The following DCHS2 variants were observed in gnomAD, a reference collection of about 807,000 sequenced individuals.
The protein encoded by DCHS2 is dachsous cadherin-related 2, also known as protocadherin-23.
A neutral mutation model predicts 182.4 loss-of-function variants in DCHS2; 142 were observed. The ratio of observed to expected loss-of-function variants is 0.78; its 90% CI spans 0.68 to 0.89. The LOEUF (loss-of-function observed/expected upper bound fraction) is 0.89, where lower values mean the gene tolerates loss of function less well. Ranked by LOEUF, DCHS2 falls within the 40% of genes least tolerant of loss-of-function variation. The pLI, the probability that DCHS2 is intolerant of heterozygous loss-of-function variation, is 0.00. For synonymous variants in DCHS2, 1,740 were observed against 1,663.3 expected (o/e 1.05, Z -1.12); for missense variants, 4,319 against 4,198.6 (o/e 1.03, Z -0.79).
intron 2 of DCHS2, chr4:154,374,178 T>A: frequency 2.0e-6 from 1 of 501,544 alleles, no homozygotes; most frequent in African/African-American, 2.0e-5. Context: ...CAGGGGAGCT[T>A]GCTTCTCCTG....
intron 1 of DCHS2, among the ~76,000 whole-genome samples, chr4:154,480,687 A>G (rs1299087061): frequency 6.6e-6 from 1 of 152,260 alleles, no homozygotes; most frequent in Non-Finnish European, 1.5e-5. Flanking sequence ...TATATAAAGC[A>G]TGCATAAACA....
At chr4:154,306,359 C>T (rs777455852) in intron 10 of DCHS2, among the ~76,000 whole-genome samples, 5 of 151,918 alleles carry the variant, frequency 3.3e-5, no homozygotes, top group South Asian at 2.1e-4. Flanking sequence ...TTAGGCATTA[C>T]GTATATTATT....
At chr4:154,473,014 G>A (rs1178541500) in intron 1 of DCHS2, among the ~76,000 whole-genome samples, 1 of 152,184 alleles carries the variant, frequency 6.6e-6, no homozygotes, top group Non-Finnish European at 1.5e-5. Context: ...TCACCAAGAT[G>A]GGAGTGTCCA....
intron 2 of DCHS2, among the ~76,000 whole-genome samples, chr4:154,376,844 T>C (rs1730923133): frequency 6.6e-6 from 1 of 152,132 alleles, no homozygotes; most frequent in Non-Finnish European, 1.5e-5. Flanking sequence ...AAAAAAGCCA[T>C]AGGAGAACAG....
intron 16 of DCHS2, 34 bp downstream of exon 16, chr4:154,255,485 A>G: frequency 1.3e-6 from 2 of 1,591,922 alleles, no homozygotes; most frequent in Non-Finnish European, 1.7e-6. Flanking sequence ...CAGGCAGAAT[A>G]AATGGAGCCA....
Position 154,491,543 on chromosome 4 carries a change from C to G in DCHS2, c.-188G>C. On this transcript the variant is annotated 5_prime_UTR_variant, in exon 1 of 20. Coordinates refer to ENST00000357232, the MANE Select transcript of DCHS2 (RefSeq NM_001358235.2). ...GTGAAAGCGTCCTCTGCCTGCAGCT[C>G]ACGCAGACAGGGAAGTAAGCTCTAG... 7.2e-7 allele frequency: 1 copy of G among 1,387,820 alleles called. No homozygotes were observed. The highest frequency in any genetic ancestry group is 9.3e-7 in the Non-Finnish European group (1 of 1,077,594). 86.0% of individuals were successfully genotyped at this position (1,387,820 alleles called of 1,614,324 possible).
At chr4:154,281,431 A>G (rs949577747) in intron 13 of DCHS2, among the ~76,000 whole-genome samples, 1 of 152,168 alleles carries the variant, frequency 6.6e-6, no homozygotes, top group African/African-American at 2.4e-5. Context: ...ACCATTTACA[A>G]CATCATCAAA....
At position 154,328,191 on chromosome 4, in the gene DCHS2, A is replaced by G; in HGVS notation, c.3920T>C (p.Val1307Ala). 6.3e-7 allele frequency: 1 copy of G among 1,597,086 alleles called. No individual in the cohort carries two copies. Among genetic ancestry groups the G allele is most frequent in the South Asian group, 1.1e-5 (1 of 87,654 alleles). Residue 1307 changes from valine to alanine, a missense_variant and splice_region_variant, in exon 7 of 20, where the codon GTT (valine) becomes GCT (alanine). Physicochemically the swap from Val to Ala is moderately conservative, Grantham distance 64. Coordinates refer to ENST00000357232, the MANE Select transcript of DCHS2 (RefSeq NM_001358235.2). ...CATATTTACTGGTTGACCTTCCAGAACCTGCCATTAAAACAAACAGCTTAC... is the reference window on the plus strand; with the variant it reads ...CATATTTACTGGTTGACCTTCCAGAGCCTGCCATTAAAACAAACAGCTTAC... ...CLPGKELHVKVLEGQPVNMLV... is the reference protein window; with the variant it reads ...CLPGKELHVKALEGQPVNMLV...
chr4:154,461,376 G>A (rs6848872), intron 1 of DCHS2, among the ~76,000 whole-genome samples: 2,899 of 152,044 alleles, frequency 0.019, 82 homozygotes, highest in African/African-American at 0.065. Flanking sequence ...ATAAAACATA[G>A]TTCTGAAACC....
In DCHS2 at chr4:154,333,116, G is replaced by T; in HGVS notation, c.3092C>A (p.Ala1031Asp). The change falls in exon 5 of 20, where the codon GCC becomes GAC. Residue 1031 changes from alanine to aspartate, a missense_variant. Transcript: ENST00000357232. ...PQPGVFAIDR[A>D]LGVLFLNGSL... ...GCCGTTGAGGAACAGCACCCCCAGG[G>T]CTCTGTCGATGGCAAAGACGCCTGG... The T allele has an allele frequency of 6.2e-7, 1 of 1,614,086 alleles. No individual in the cohort carries two copies. Among genetic ancestry groups the T allele is most frequent in the East Asian group, 2.2e-5 (1 of 44,868 alleles).
intron 2 of DCHS2, chr4:154,373,892 C>G: frequency 6.3e-7 from 1 of 1,575,954 alleles, no homozygotes. Context: ...TTAAAAGACT[C>G]AGATTATAGA....
intron 16 of DCHS2, among the ~76,000 whole-genome samples, chr4:154,246,496 C>G (rs1732075042): frequency 6.6e-6 from 1 of 152,050 alleles, no homozygotes; most frequent in Non-Finnish European, 1.5e-5. Context: ...TTGAAATTGC[C>G]TCACTTATAT....
At chr4:154,370,499 C>T (rs1730593817) in intron 2 of DCHS2, among the ~76,000 whole-genome samples, 4 of 152,094 alleles carry the variant, frequency 2.6e-5, no homozygotes, top group Admixed American at 2.6e-4. Context: ...GCCCTGTATG[C>T]TTATGAGGGT....
At chr4:154,245,967 G>T (rs1002894251) in intron 16 of DCHS2, among the ~76,000 whole-genome samples, 12 of 152,122 alleles carry the variant, frequency 7.9e-5, no homozygotes, top group African/African-American at 2.9e-4. Flanking sequence ...GATAACAGGG[G>T]AGGCTGTGCA....
intron 1 of DCHS2, among the ~76,000 whole-genome samples, chr4:154,462,290 A>G (rs547727323): frequency 6.6e-6 from 1 of 152,288 alleles, no homozygotes; most frequent in South Asian, 2.1e-4. Flanking sequence ...AAAATTGGAC[A>G]TCTCAACTCA....
chr4:154,299,991 A>G (rs941673033), intron 12 of DCHS2, among the ~76,000 whole-genome samples: 7 of 152,200 alleles, frequency 4.6e-5, no homozygotes, highest in African/African-American at 1.7e-4. Flanking sequence ...AGTTCAAGAA[A>G]TGCTTATTGG....
chr4:154,288,272 G>A (rs931314326), intron 13 of DCHS2, among the ~76,000 whole-genome samples: 1 of 152,004 alleles, frequency 6.6e-6, no homozygotes, highest in Non-Finnish European at 1.5e-5. Context: ...AGAAAAAGTA[G>A]CTATATTTAT....
At chr4:154,244,539 A>G (rs1731985598) in intron 16 of DCHS2, among the ~76,000 whole-genome samples, 1 of 152,186 alleles carries the variant, frequency 6.6e-6, no homozygotes, top group Non-Finnish European at 1.5e-5. Context: ...TTAAGAAACT[A>G]TGTCTTCAAA....
chr4:154,361,582 G>A (rs1222565957), intron 3 of DCHS2, among the ~76,000 whole-genome samples: 1 of 151,986 alleles, frequency 6.6e-6, no homozygotes, highest in Non-Finnish European at 1.5e-5. Flanking sequence ...ATCAAAGAAA[G>A]CCAGTGAACT....
Sources: gnomAD v4.1 joint callset for allele counts (sites outside exome capture counted in the v4.1 genomes callset) on GRCh38, gnomAD v4.1.1 for gene constraint, MANE v1.5 for transcripts, NCBI Gene and HGNC (gene_info 2026-07-23, HGNC 2026-07-21) for gene names.